SEMA3C: variants seen among roughly 807,000 people sequenced by gnomAD.
SEMA3C encodes semaphorin-3C.
A neutral mutation model predicts 89.4 loss-of-function variants in SEMA3C; 47 were observed. The observed-to-expected ratio is 0.53, with a 90% CI of 0.42 to 0.67. SEMA3C has a LOEUF of 0.67. Ranked by LOEUF, SEMA3C falls within the 30% of genes least tolerant of loss-of-function variation. SEMA3C has a pLI of 0.00. For synonymous variants in SEMA3C, 310 were observed against 320.2 expected (o/e 0.97, Z 0.34); for missense variants, 839 against 929.1 (o/e 0.90, Z 1.26).
intron 2 of SEMA3C, among the ~76,000 whole-genome samples, chr7:80,910,847 A>G (rs73374902): frequency 0.017 from 2,518 of 152,174 alleles, 63 homozygotes; most frequent in African/African-American, 0.055. Context: ...TCCATGAAAA[A>G]GAACATCTGA....
At chr7:80,768,355 A>T (rs1302504722) in intron 12 of SEMA3C, among the ~76,000 whole-genome samples, 4 of 152,122 alleles carry the variant, frequency 2.6e-5, no homozygotes, top group African/African-American at 9.7e-5. Context: ...CTACTAAAAA[A>T]TACAAAAAAT....
chr7:80,776,032 G>T (rs1032712942), intron 12 of SEMA3C, among the ~76,000 whole-genome samples: 1 of 151,994 alleles, frequency 6.6e-6, no homozygotes, highest in African/African-American at 2.4e-5. Context: ...CTCAAAAGCA[G>T]ATCTACAAAG....
intron 12 of SEMA3C, among the ~76,000 whole-genome samples, chr7:80,780,952 T>TA (rs555640864): frequency 2.6e-5 from 4 of 152,100 alleles, no homozygotes; most frequent in East Asian, 1.9e-4. Flanking sequence ...CTCACTGCAC[T>TA]AAAAAAAGAT....
At chr7:80,751,213 G>A in intron 16 of SEMA3C, 56 bp downstream of exon 16, 4 of 1,358,550 alleles carry the variant, frequency 2.9e-6, no homozygotes, top group Non-Finnish European at 4.2e-6. Context: ...TTACTGAAAT[G>A]TGATACGGAG....
At chr7:80,821,803 G>A (rs1262075104) in intron 4 of SEMA3C, among the ~76,000 whole-genome samples, 1 of 152,100 alleles carries the variant, frequency 6.6e-6, no homozygotes. Context: ...GTCCCAGAGA[G>A]GTTAAATAAA....
intron 11 of SEMA3C, among the ~76,000 whole-genome samples, chr7:80,797,851 A>T (rs754753226): frequency 6.6e-6 from 1 of 152,108 alleles, no homozygotes; most frequent in Non-Finnish European, 1.5e-5. Context: ...CACAAAAATT[A>T]GCCGGGCATG....
intron 5 of SEMA3C, among the ~76,000 whole-genome samples, chr7:80,815,594 A>AT (rs1015764591): frequency 6.7e-6 from 1 of 150,348 alleles, no homozygotes; most frequent in Admixed American, 6.6e-5. Context: ...AGGAAAGGGA[A>AT]TGAAGATATA....
chr7:80,770,522 C>T (rs75939624), intron 12 of SEMA3C, among the ~76,000 whole-genome samples: 2,578 of 152,242 alleles, frequency 0.017, 72 homozygotes, highest in African/African-American at 0.059. Flanking sequence ...TTGTGTAAAA[C>T]GTAAATAATA....
intron 13 of SEMA3C, among the ~76,000 whole-genome samples, chr7:80,763,860 TTA>T (rs997414999): frequency 1.3e-4 from 20 of 152,166 alleles, no homozygotes; most frequent in Admixed American, 1.3e-3. Context: ...ATCAATTTCT[TTA>T]TAAAACAAGG....
At chr7:80,794,677 A>T (rs1471497427) in intron 11 of SEMA3C, among the ~76,000 whole-genome samples, 1 of 152,242 alleles carries the variant, frequency 6.6e-6, no homozygotes, top group Non-Finnish European at 1.5e-5. Flanking sequence ...GAACACTTTC[A>T]TTAAGTTCTG....
Position 80,890,391 on chromosome 7 carries a change from G to C in SEMA3C, c.103+26288C>G, listed in dbSNP as rs186868376. On this transcript the variant is annotated intron_variant, in intron 2 of 17. Transcript: ENST00000265361. ...ACTCAATGAAAAGACTAATGTCTAA[G>C]TTAAAAGTGTATAAAGAAAAATAAA... Among the ~76,000 whole-genome samples the C allele has an allele frequency of 2.0e-5, 3 of 152,172 alleles. No homozygotes were observed. In the East Asian group the frequency reaches 5.8e-4, roughly 29 times the overall value.
At chr7:80,800,713 A>C (rs761102108) in intron 10 of SEMA3C, 44 bp downstream of exon 10, 29 of 1,142,664 alleles carry the variant, frequency 2.5e-5, no homozygotes, top group Non-Finnish European at 3.6e-5. Flanking sequence ...TTACTCCATG[A>C]AGTTTATTGT....
chr7:80,748,957 T>TG lies in SEMA3C; in HGVS notation c.1782dup (p.Lys595GlnfsTer22). ...CACTTGATAGATGCCTGCGGAGACTTGGGGGCACACTCCAGAAAAGTGGTG... is the reference window on the plus strand; with the variant it reads ...CACTTGATAGATGCCTGCGGAGACTTGGGGGGCACACTCCAGAAAAGTGGTG... On this transcript the variant is annotated frameshift_variant, in exon 17 of 18. Coordinates refer to ENST00000265361, the MANE Select transcript of SEMA3C (RefSeq NM_006379.5). LOFTEE classifies it high-confidence loss of function. 6.2e-7 allele frequency: 1 copy of TG among 1,613,466 alleles called. No homozygotes were observed. Among genetic ancestry groups the TG allele is most frequent in the Non-Finnish European group, 8.5e-7 (1 of 1,179,678 alleles).
intron 12 of SEMA3C, among the ~76,000 whole-genome samples, chr7:80,769,137 C>A (rs958761770): frequency 6.6e-6 from 1 of 152,046 alleles, no homozygotes; most frequent in Non-Finnish European, 1.5e-5. Context: ...TAAAGATATA[C>A]AATGTGTAAT....
At chr7:80,799,182 G>T (rs1038621343) in intron 10 of SEMA3C, among the ~76,000 whole-genome samples, 1 of 152,022 alleles carries the variant, frequency 6.6e-6, no homozygotes, top group Non-Finnish European at 1.5e-5. Flanking sequence ...CATCTTTTTA[G>T]ACATCTTGTG....
intron 2 of SEMA3C, among the ~76,000 whole-genome samples, chr7:80,840,954 G>C (rs1359803083): frequency 1.3e-5 from 2 of 152,082 alleles, no homozygotes; most frequent in African/African-American, 2.4e-5. Context: ...GCATTTTCCA[G>C]GGAGTAGAAA....
intron 12 of SEMA3C, among the ~76,000 whole-genome samples, chr7:80,783,337 A>T (rs1178727363): frequency 6.6e-6 from 1 of 152,074 alleles, no homozygotes; most frequent in Non-Finnish European, 1.5e-5. Flanking sequence ...ACCGTGACTT[A>T]TCATCTATCT....
intron 4 of SEMA3C, among the ~76,000 whole-genome samples, chr7:80,818,756 T>A (rs1004207693): frequency 6.6e-6 from 1 of 152,242 alleles, no homozygotes; most frequent in Non-Finnish European, 1.5e-5. Context: ...CATGAGGCCC[T>A]TGGGCCACAG....
chr7:80,821,498 C>A (rs1465527839), intron 4 of SEMA3C, among the ~76,000 whole-genome samples: 2 of 152,096 alleles, frequency 1.3e-5, no homozygotes, highest in South Asian at 2.1e-4. Flanking sequence ...CTGCTCACTG[C>A]AACCTCCGCT....
Sources: gnomAD v4.1 joint callset for allele counts (sites outside exome capture counted in the v4.1 genomes callset) on GRCh38, gnomAD v4.1.1 for gene constraint, MANE v1.5 for transcripts, NCBI Gene and HGNC (gene_info 2026-07-23, HGNC 2026-07-21) for gene names.